SORCS1: variants seen among roughly 807,000 people sequenced by gnomAD.
The protein encoded by SORCS1 is VPS10 domain-containing receptor SorCS1.
Under a neutral mutation model 146.1 loss-of-function variants are expected in SORCS1, and 60 were observed. The ratio of observed to expected loss-of-function variants is 0.41; its 90% CI spans 0.33 to 0.51. The LOEUF is 0.51. Ranked by LOEUF, SORCS1 falls within the 20% of genes least tolerant of loss-of-function variation. The probability of loss-of-function intolerance (pLI) is 0.21; values close to 1 mark genes in which losing one functional copy is unlikely to be tolerated. For missense variants in SORCS1, 1,352 were observed against 1,487.6 expected (o/e 0.91, Z 1.50); for synonymous variants, 637 against 584.0 (o/e 1.09, Z -1.31).
At chr10:106,673,058 G>T in intron 14 of SORCS1, 73 bp from the exon 15 acceptor site, 1 of 1,247,748 alleles carries the variant, frequency 8.0e-7, no homozygotes, top group Non-Finnish European at 1.2e-6. Flanking sequence ...GAGAGCATTT[G>T]TGGGGCGTTC....
At chr10:106,648,611 G>A (rs1012940275) in intron 18 of SORCS1, among the ~76,000 whole-genome samples, 3 of 152,066 alleles carry the variant, frequency 2.0e-5, no homozygotes, top group African/African-American at 7.2e-5. Context: ...TTCTTTATGT[G>A]TGAAGAATTA....
At chr10:106,939,717 T>G (rs1194187433) in intron 2 of SORCS1, among the ~76,000 whole-genome samples, 1 of 152,186 alleles carries the variant, frequency 6.6e-6, no homozygotes, top group Admixed American at 6.5e-5. Context: ...CCATTTCCCT[T>G]TGGAAGGAGG....
chr10:106,900,443 A>AT (rs1951658185), intron 2 of SORCS1, among the ~76,000 whole-genome samples: 1 of 152,138 alleles, frequency 6.6e-6, no homozygotes, highest in Non-Finnish European at 1.5e-5. Flanking sequence ...CCCTTCAGTG[A>AT]TTACAGAGTC....
intron 2 of SORCS1, among the ~76,000 whole-genome samples, chr10:106,937,889 G>A (rs967676442): frequency 2.4e-4 from 36 of 151,412 alleles, no homozygotes; most frequent in Admixed American, 1.1e-3. Flanking sequence ...GCTTGACCTC[G>A]GGAGGCGGAG....
chr10:106,711,461 T>C (rs1470561691), intron 6 of SORCS1, among the ~76,000 whole-genome samples: 1 of 152,192 alleles, frequency 6.6e-6, no homozygotes, highest in Non-Finnish European at 1.5e-5. Flanking sequence ...CAGGACCACC[T>C]TTACTTAAGG....
At chr10:106,680,508 A>C (rs1852356654) in intron 10 of SORCS1, among the ~76,000 whole-genome samples, 1 of 152,234 alleles carries the variant, frequency 6.6e-6, no homozygotes, top group South Asian at 2.1e-4. Context: ...AGAAATATTC[A>C]ATATAAAAGT....
At chr10:107,176,965 A>G in the SORCS1 span, among the ~76,000 whole-genome samples, 18 of 152,164 alleles carry the variant, frequency 1.2e-4, no homozygotes, top group African/African-American at 3.4e-4. Context: ...AAAATTGTCA[A>G]TCATATGTGT....
At chr10:106,968,127 G>A (rs767634422) in intron 1 of SORCS1, among the ~76,000 whole-genome samples, 5 of 151,992 alleles carry the variant, frequency 3.3e-5, no homozygotes, top group Admixed American at 6.6e-5. Flanking sequence ...GGAGAATGGC[G>A]TGAACCCAGG....
intron 18 of SORCS1, among the ~76,000 whole-genome samples, chr10:106,649,846 T>G (rs1181598773): frequency 6.6e-6 from 1 of 152,200 alleles, no homozygotes; most frequent in Non-Finnish European, 1.5e-5. Context: ...CTGCTGTCCT[T>G]TCTTCCATTT....
chr10:106,913,856 G>A (rs1264624912), intron 2 of SORCS1, among the ~76,000 whole-genome samples: 1 of 152,156 alleles, frequency 6.6e-6, no homozygotes, highest in East Asian at 1.9e-4. Context: ...AAATGTCCTT[G>A]AGTTGCTACA....
intron 4 of SORCS1, among the ~76,000 whole-genome samples, chr10:106,774,743 T>C (rs1860296903): frequency 6.6e-6 from 1 of 152,226 alleles, no homozygotes; most frequent in Non-Finnish European, 1.5e-5. Context: ...GTGACAGCAC[T>C]GCCTTTGTGG....
At chr10:106,869,789 G>A (rs1564754934) in intron 2 of SORCS1, among the ~76,000 whole-genome samples, 1 of 152,098 alleles carries the variant, frequency 6.6e-6, no homozygotes, top group Non-Finnish European at 1.5e-5. Context: ...CACAAGACAA[G>A]GATGCCCTCT....
chr10:106,818,324 A>T (rs1281660900), intron 3 of SORCS1, among the ~76,000 whole-genome samples: 2 of 152,162 alleles, frequency 1.3e-5, no homozygotes, highest in Non-Finnish European at 2.9e-5. Flanking sequence ...CCTGAAAATA[A>T]ATTACATTAT....
intron 1 of SORCS1, among the ~76,000 whole-genome samples, chr10:107,014,986 A>G (rs1957840473): frequency 6.6e-6 from 1 of 152,198 alleles, no homozygotes; most frequent in Non-Finnish European, 1.5e-5. Context: ...TTACTGAATC[A>G]ATATCCCATG....
chr10:106,985,311 G>A (rs931999824), intron 1 of SORCS1, among the ~76,000 whole-genome samples: 4 of 152,126 alleles, frequency 2.6e-5, no homozygotes, highest in Middle Eastern at 3.4e-3. Context: ...CATGAAATAC[G>A]TTATAAACCA....
At position 107,100,877 on chromosome 10, in the gene SORCS1, A is replaced by T. The variant is rs144453085; in HGVS notation, c.558+63092T>A. On this transcript the variant is annotated intron_variant, in intron 1 of 25. Transcript: ENST00000263054. ...AAATAATAATTCTTTCTGATGAGAA[A>T]TAATGGAAATGTATTTTTAAAAATA... Among the ~76,000 whole-genome samples, 900 of 152,326 alleles carry T rather than the reference A, an allele frequency of 5.9e-3. 9 individuals are homozygous for T. The highest frequency in any genetic ancestry group is 0.021 in the African/African-American group (853 of 41,568).
At chr10:107,177,292 A>G in the SORCS1 span, among the ~76,000 whole-genome samples, 1 of 152,136 alleles carries the variant, frequency 6.6e-6, no homozygotes, top group Non-Finnish European at 1.5e-5. Flanking sequence ...ATTTTGAGAT[A>G]ACTGTAGATT....
At chr10:106,827,667 T>C (rs1948360899) in intron 3 of SORCS1, among the ~76,000 whole-genome samples, 1 of 152,150 alleles carries the variant, frequency 6.6e-6, no homozygotes. Context: ...ATAAGTTCAG[T>C]TCCTTAATTT....
chr10:106,632,780 T>C (rs1848512086), intron 18 of SORCS1, among the ~76,000 whole-genome samples: 1 of 151,532 alleles, frequency 6.6e-6, no homozygotes. Context: ...GTACATGGAG[T>C]TGTAAGCTTT....
Sources: gnomAD v4.1 joint callset for allele counts (sites outside exome capture counted in the v4.1 genomes callset) on GRCh38, gnomAD v4.1.1 for gene constraint, MANE v1.5 for transcripts, NCBI Gene and HGNC (gene_info 2026-07-23, HGNC 2026-07-21) for gene names.